TENM3: variants seen among roughly 807,000 people sequenced by gnomAD.
TENM3 encodes the protein teneurin transmembrane protein 3.
TENM3 carries 63 observed loss-of-function variants against 255.1 expected under a neutral mutation model. The observed-to-expected ratio is 0.25, with a 90% CI of 0.20 to 0.30. The LOEUF (loss-of-function observed/expected upper bound fraction) is 0.30. TENM3 is among the 10% of genes least tolerant of loss of function. TENM3 has a pLI of 1.00. For missense variants in TENM3, 2,929 were observed against 3,461.1 expected (o/e 0.85, Z 3.86); for synonymous variants, 1,306 against 1,322.3 (o/e 0.99, Z 0.27).
rs150202066 is a variant in TENM3, at chr4:182,777,511, A to ATGTGTGTGTGTGTGTGTG, written c.5304+2372_5304+2389dup. 7.8e-4 allele frequency among the ~76,000 whole-genome samples: 78 copies of ATGTGTGTGTGTGTGTGTG among 99,892 alleles called. 2 individuals carry two copies. The highest frequency in any genetic ancestry group is 6.8e-3 in the East Asian group (21 of 3,086). 65.5% of individuals were successfully genotyped at this position (99,892 alleles called of 152,430 possible). ...CTCTCTGTCTATACATAATGTGTTT[A>ATGTGTGTGTGTGTGTGTG]TGTGTGTGTGTGTGTGTGTGTGTGT... On this transcript the variant is annotated intron_variant, in intron 24 of 27. Transcript: ENST00000511685.
chr4:182,011,540 A>G, the TENM3 span, among the ~76,000 whole-genome samples: 1 of 152,170 alleles, frequency 6.6e-6, no homozygotes, highest in South Asian at 2.1e-4. Flanking sequence ...ACACTTCTTG[A>G]TGACTCTCCA....
At chr4:181,802,900 T>C in the TENM3 span, among the ~76,000 whole-genome samples, 2 of 152,210 alleles carry the variant, frequency 1.3e-5, no homozygotes, top group African/African-American at 2.4e-5. Context: ...TTACTCCTGA[T>C]ATTTTACTCC....
At position 182,730,899 on chromosome 4, in the gene TENM3, T is replaced by C. The variant is rs1222992960; in HGVS notation, c.2727T>C (p.Gly909=). The C allele has an allele frequency of 6.2e-7, 1 of 1,613,884 alleles. No individual in the cohort carries two copies. The highest frequency in any genetic ancestry group is 8.5e-7 in the Non-Finnish European group (1 of 1,179,830). Residue 909 remains glycine, a synonymous_variant, in exon 16 of 28, where the codon GGT becomes GGC. Transcript: ENST00000511685. The part of the protein sequence containing the change: ...QDGMFDLVAN[G]GASLTLVFER... The stretch of plus-strand genomic sequence containing the variant: ...TTAGGTTTGACTTGGTGGCAAATGG[T>C]GGGGCCTCTCTAACTTTGGTATTTG...
the TENM3 span, among the ~76,000 whole-genome samples, chr4:181,558,035 C>G: frequency 6.6e-6 from 1 of 152,128 alleles, no homozygotes; most frequent in African/African-American, 2.4e-5. Context: ...TGAATTTGTT[C>G]TGTTTAATGG....
chr4:182,099,858 G>T, the TENM3 span, among the ~76,000 whole-genome samples: 1 of 152,118 alleles, frequency 6.6e-6, no homozygotes, highest in African/African-American at 2.4e-5. Context: ...GCAAACAGAA[G>T]TTATGAGGTA....
intron 3 of TENM3, among the ~76,000 whole-genome samples, chr4:182,427,534 C>T (rs969179013): frequency 6.6e-6 from 1 of 152,138 alleles, no homozygotes; most frequent in Admixed American, 6.6e-5. Flanking sequence ...AAATGCTCTC[C>T]TTCCATTTAT....
chr4:181,514,633 G>C, the TENM3 span, among the ~76,000 whole-genome samples: 1 of 152,170 alleles, frequency 6.6e-6, no homozygotes, highest in Admixed American at 6.5e-5. Context: ...GTGTTAGGGT[G>C]AGATGGGGGA....
At chr4:182,597,231 C>T (rs757776032) in intron 3 of TENM3, among the ~76,000 whole-genome samples, 3 of 152,048 alleles carry the variant, frequency 2.0e-5, no homozygotes, top group Non-Finnish European at 4.4e-5. Context: ...AGGGAAACCC[C>T]ATCTCGACAA....
chr4:182,741,502 A>G (rs879319296), intron 18 of TENM3, among the ~76,000 whole-genome samples: 8 of 152,338 alleles, frequency 5.3e-5, no homozygotes, highest in East Asian at 3.9e-4. Context: ...GGAAGGGCCA[A>G]TCGTTCAAAG....
the TENM3 span, among the ~76,000 whole-genome samples, chr4:182,102,479 C>T: frequency 1.3e-5 from 2 of 152,126 alleles, no homozygotes; most frequent in Non-Finnish European, 2.9e-5. Flanking sequence ...TGGGATGTCC[C>T]GTCTAATGTC....
intron 3 of TENM3, among the ~76,000 whole-genome samples, chr4:182,414,920 ATGAC>A (rs1770257446): frequency 6.6e-6 from 1 of 152,228 alleles, no homozygotes; most frequent in East Asian, 1.9e-4. Context: ...TGAATCTTCT[ATGAC>A]TGTGACACAG....
At chr4:181,780,589 C>T in the TENM3 span, among the ~76,000 whole-genome samples, 1 of 152,098 alleles carries the variant, frequency 6.6e-6, no homozygotes, top group Non-Finnish European at 1.5e-5. Context: ...TGTAGGTTGC[C>T]TGTTCGCTCT....
chr4:182,075,350 C>T, the TENM3 span, among the ~76,000 whole-genome samples: 2 of 151,960 alleles, frequency 1.3e-5, no homozygotes, highest in African/African-American at 4.8e-5. Flanking sequence ...AGGCACATGT[C>T]ACCACACCCT....
chr4:181,579,949 ATTTTATTTTATTTTATTTTATTT>A, the TENM3 span, among the ~76,000 whole-genome samples: 1 of 29,988 alleles, frequency 3.3e-5, no homozygotes, highest in African/African-American at 1.5e-4. Flanking sequence ...ATTTTATTTT[ATTTTATTTTATTTTATTTTATTT>A]TATTTTATTT....
chr4:182,601,882 G>A (rs1490145386), intron 4 of TENM3, among the ~76,000 whole-genome samples: 2 of 152,210 alleles, frequency 1.3e-5, no homozygotes, highest in African/African-American at 4.8e-5. Flanking sequence ...GATGGCCCAT[G>A]AGCTTCTCAG....
chr4:181,639,712 C>T, the TENM3 span, among the ~76,000 whole-genome samples: 1 of 152,150 alleles, frequency 6.6e-6, no homozygotes, highest in Admixed American at 6.5e-5. Flanking sequence ...TGTACTCCAG[C>T]CTGGGGGACA....
At chr4:182,101,136 A>AAGGAAAGAAGGGAGGG in the TENM3 span, among the ~76,000 whole-genome samples, 1 of 105,608 alleles carries the variant, frequency 9.5e-6, no homozygotes, top group Non-Finnish European at 1.9e-5. Context: ...AGAAGGAAGG[A>AAGGAAAGAAGGGAGGG]AGGAAAGAAG....
intron 3 of TENM3, among the ~76,000 whole-genome samples, chr4:182,509,225 T>C (rs375268340): frequency 1.2e-4 from 19 of 152,368 alleles, no homozygotes; most frequent in African/African-American, 4.3e-4. Context: ...ACAGTGAGCC[T>C]GAGACACAGA....
the TENM3 span, among the ~76,000 whole-genome samples, chr4:181,876,227 T>G: frequency 6.6e-6 from 1 of 152,240 alleles, no homozygotes; most frequent in South Asian, 2.1e-4. Context: ...ATGTTGAACT[T>G]TCAAATCTTA....
Sources: allele counts gnomAD v4.1 joint callset (sites outside exome capture counted in the v4.1 genomes callset), GRCh38; gene constraint gnomAD v4.1.1; transcripts MANE v1.5; gene names NCBI Gene and HGNC (gene_info 2026-07-23, HGNC 2026-07-21).